The following KIF6 variants were observed in gnomAD, a reference collection of about 807,000 sequenced individuals.
The protein encoded by KIF6 is kinesin-like protein KIF6.
A neutral mutation model predicts 112.7 loss-of-function variants in KIF6; 106 were observed. That is an observed-to-expected ratio of 0.94 (90% CI 0.80 to 1.11). The LOEUF (loss-of-function observed/expected upper bound fraction) is 1.11. KIF6 is among the 50% of genes least tolerant of loss of function. The pLI is 0.00. For missense variants in KIF6, 929 were observed against 964.0 expected, an observed-to-expected ratio of 0.96 and a Z score of 0.48; for synonymous variants, 339 against 339.9, an observed-to-expected ratio of 1.00 and a Z score of 0.03.
intron 3 of KIF6, among the ~76,000 whole-genome samples, chr6:39,654,526 C>T (rs1785657559): frequency 6.6e-6 from 1 of 152,142 alleles, no homozygotes; most frequent in South Asian, 2.1e-4. Flanking sequence ...TAAACAGGCT[C>T]AAGTTTCTCC....
Position 39,507,638 on chromosome 6 carries a change from C to CTTCCTTCCTT in KIF6, c.1645+32364_1645+32365insAAGGAAGGAA, listed in dbSNP as rs1554228857. ...CTTTCCTTTCCTTTCCTTTCCTTTCCCCTTCCTTCCTTCCTTCCTTCCTTC... is the reference window on the plus strand; with the variant it reads ...CTTTCCTTTCCTTTCCTTTCCTTTCCTTCCTTCCTTCCTTCCTTCCTTCCTTCCTTCCTTC... On this transcript the variant is annotated intron_variant, in intron 13 of 22. Coordinates refer to ENST00000287152, the MANE Select transcript of KIF6 (RefSeq NM_145027.6). Among the ~76,000 whole-genome samples, 56 of 29,858 alleles carry CTTCCTTCCTT rather than the reference C, an allele frequency of 1.9e-3. 2 individuals carry two copies. Among genetic ancestry groups the CTTCCTTCCTT allele is most frequent in the South Asian group, 7.6e-3 (4 of 528 alleles). The allele number at this position is 29,858 out of a possible 152,430, so 19.6% of individuals were successfully genotyped here.
intron 3 of KIF6, among the ~76,000 whole-genome samples, chr6:39,699,522 C>CT (rs1469245588): frequency 2.0e-5 from 3 of 152,100 alleles, no homozygotes; most frequent in Non-Finnish European, 4.4e-5. Flanking sequence ...GTAAGGTCCC[C>CT]TTTGTTTACA....
intron 9 of KIF6, among the ~76,000 whole-genome samples, chr6:39,584,439 A>C (rs1293582083): frequency 0.031 from 3,746 of 121,172 alleles, 381 homozygotes; most frequent in African/African-American, 0.12. Flanking sequence ...AAAAAAAAAA[A>C]AAAAAAAAAA....
rs1328372332 is a variant in KIF6, at chr6:39,617,050, A to G, written c.510-3732T>C. On this transcript the variant is annotated intron_variant, in intron 5 of 22. Coordinates refer to ENST00000287152, the MANE Select transcript of KIF6 (RefSeq NM_145027.6). The stretch of plus-strand genomic sequence containing the variant: ...TTCTTAAATAAACATTCTAATTCCA[A>G]GATGGAAACCCCCAAACTATTTATT... 3.3e-5 allele frequency among the ~76,000 whole-genome samples: 5 copies of G among 152,242 alleles called. No homozygotes were observed. In the East Asian group the frequency reaches 7.7e-4, roughly 24 times the overall value.
chr6:39,473,674 T>C (rs1774265135), intron 13 of KIF6, among the ~76,000 whole-genome samples: 1 of 152,236 alleles, frequency 6.6e-6, no homozygotes, highest in Admixed American at 6.5e-5. Context: ...GGGCTGTTTT[T>C]TGTTTTTGCA....
chr6:39,357,248 C>G (rs748762128), intron 19 of KIF6, 29 bp downstream of exon 19: 1 of 1,499,228 alleles, frequency 6.7e-7, no homozygotes, highest in East Asian at 2.3e-5. Flanking sequence ...TCTGGGAACT[C>G]TAACACCTCC....
At chr6:39,374,429 C>T (rs1054384839) in intron 16 of KIF6, among the ~76,000 whole-genome samples, 24 of 152,056 alleles carry the variant, frequency 1.6e-4, no homozygotes, top group African/African-American at 5.6e-4. Context: ...AATCAACAGA[C>T]TAAAGAGATA....
At chr6:39,367,482 A>G (rs1001775479) in intron 16 of KIF6, among the ~76,000 whole-genome samples, 2 of 152,192 alleles carry the variant, frequency 1.3e-5, no homozygotes, top group Non-Finnish European at 2.9e-5. Context: ...CCTCCAAAGC[A>G]GTACAAAAGC....
At chr6:39,340,609 G>A (rs1292222427) in intron 22 of KIF6, among the ~76,000 whole-genome samples, 1 of 152,168 alleles carries the variant, frequency 6.6e-6, no homozygotes, top group Non-Finnish European at 1.5e-5. Flanking sequence ...GGAGCGTTAA[G>A]AGCATCAAAT....
intron 9 of KIF6, among the ~76,000 whole-genome samples, chr6:39,582,603 T>C (rs4714263): frequency 0.53 from 81,027 of 151,770 alleles, 23,821 homozygotes; most frequent in African/African-American, 0.79. Flanking sequence ...TTAGTAGAGA[T>C]GGGGTTTCTC....
chr6:39,390,048 A>AAAAAAG (rs1258761315), intron 15 of KIF6, among the ~76,000 whole-genome samples: 16 of 137,298 alleles, frequency 1.2e-4, no homozygotes, highest in African/African-American at 2.5e-4. Context: ...AAAAAAAAAA[A>AAAAAAG]AAAAGGAAAT....
At chr6:39,627,477 C>T (rs1422003214) in intron 5 of KIF6, among the ~76,000 whole-genome samples, 1 of 152,166 alleles carries the variant, frequency 6.6e-6, no homozygotes, top group Admixed American at 6.6e-5. Flanking sequence ...AGTTGGGTCT[C>T]AACAAATGTT....
chr6:39,330,974 C>T lies in KIF6; in HGVS notation c.*5558G>A, dbSNP rs72858444. ...GAAGGAACACTGTCTCCCCCACATG[C>T]TCACATGGCCCAAATCCCCACAAGT... On this transcript the variant is annotated 3_prime_UTR_variant, in exon 23 of 23. Coordinates refer to ENST00000287152, the MANE Select transcript of KIF6 (RefSeq NM_145027.6). The T allele has an allele frequency of 0.06, 9,195 of 152,530 alleles. 325 individuals carry two copies. The highest frequency in any genetic ancestry group is 0.076 in the African/African-American group (3,166 of 41,534). The allele number at this position is 152,530 out of a possible 1,614,324, so 9.4% of individuals were successfully genotyped here. A position where few individuals can be genotyped will look rare whatever the true frequency, so the allele number is the denominator to read the frequency against.
intron 16 of KIF6, among the ~76,000 whole-genome samples, chr6:39,374,601 A>G (rs996370558): frequency 3.9e-5 from 6 of 152,218 alleles, no homozygotes; most frequent in Admixed American, 2.6e-4. Context: ...AAGACAAACA[A>G]ATGGCCAACA....
intron 10 of KIF6, among the ~76,000 whole-genome samples, chr6:39,562,104 A>G (rs906741219): frequency 2.0e-5 from 3 of 152,228 alleles, no homozygotes; most frequent in Admixed American, 2.0e-4. Context: ...TAACAACCTC[A>G]TAAGTTAGTG....
chr6:39,633,860 C>A (rs987299145), intron 5 of KIF6, among the ~76,000 whole-genome samples: 1 of 152,182 alleles, frequency 6.6e-6, no homozygotes, highest in Non-Finnish European at 1.5e-5. Context: ...CTTCCACACA[C>A]ATACACAAAA....
At position 39,333,967 on chromosome 6, in the gene KIF6, C is replaced by T. The variant is rs772038805; in HGVS notation, c.*2565G>A. 1 of 152,272 alleles carries T rather than the reference C, an allele frequency of 6.6e-6. No homozygotes were observed. Among genetic ancestry groups the T allele is most frequent in the Non-Finnish European group, 1.5e-5 (1 of 68,054 alleles). The allele number at this position is 152,272 out of a possible 1,614,324, so 9.4% of individuals were successfully genotyped here. ...GGAAAGTCTTTTCAAAACATTGCAT[C>T]AATTTCTCCCATTTGCAGAGGCCAG... On this transcript the variant is annotated 3_prime_UTR_variant, in exon 23 of 23. Coordinates refer to ENST00000287152, the MANE Select transcript of KIF6 (RefSeq NM_145027.6).
chr6:39,417,043 G>A (rs531676112), intron 15 of KIF6, among the ~76,000 whole-genome samples: 1 of 152,254 alleles, frequency 6.6e-6, no homozygotes, highest in East Asian at 1.9e-4. Context: ...ACTCCTTGGG[G>A]ACTGCAAATT....
intron 3 of KIF6, among the ~76,000 whole-genome samples, chr6:39,660,214 A>G (rs1047412362): frequency 6.6e-6 from 1 of 152,164 alleles, no homozygotes; most frequent in Non-Finnish European, 1.5e-5. Context: ...TCAAGCATCT[A>G]TTTCTTCATG....
Sources: allele counts gnomAD v4.1 joint callset (sites outside exome capture counted in the v4.1 genomes callset), GRCh38; gene constraint gnomAD v4.1.1; transcripts MANE v1.5; gene names NCBI Gene and HGNC (gene_info 2026-07-23, HGNC 2026-07-21).